LMNB1: variants seen among roughly 807,000 people sequenced by gnomAD.
LMNB1 encodes lamin B1, also known as lamin-B1.
Under a neutral mutation model 67.1 loss-of-function variants are expected in LMNB1, and 23 were observed. The ratio of observed to expected loss-of-function variants is 0.34; its 90% confidence interval spans 0.25 to 0.49. The LOEUF (loss-of-function observed/expected upper bound fraction) is 0.49, where lower values mean the gene tolerates loss of function less well. Ranked by LOEUF, LMNB1 falls within the 20% of genes least tolerant of loss-of-function variation. The probability of loss-of-function intolerance (pLI) is 0.99; values close to 1 mark genes in which losing one functional copy is unlikely to be tolerated. For synonymous variants in LMNB1, 281 were observed against 282.9 expected, an observed-to-expected ratio of 0.99 and a Z score of 0.07; for missense variants, 634 against 746.5, an observed-to-expected ratio of 0.85 and a Z score of 1.76.
At chr5:126,808,796 C>G (rs1008913911) in intron 3 of LMNB1, among the ~76,000 whole-genome samples, 2 of 152,124 alleles carry the variant, frequency 1.3e-5, no homozygotes, top group African/African-American at 2.4e-5. Context: ...AAGGAAAATA[C>G]ATGCGCTAAT....
At chr5:126,780,302 G>A (rs1040280121) in intron 1 of LMNB1, among the ~76,000 whole-genome samples, 1 of 152,204 alleles carries the variant, frequency 6.6e-6, no homozygotes, top group Non-Finnish European at 1.5e-5. Context: ...GTTGCTGAGA[G>A]TGTAGTGGGG....
intron 1 of LMNB1, among the ~76,000 whole-genome samples, chr5:126,780,979 G>A (rs1294391344): frequency 6.6e-6 from 1 of 151,846 alleles, no homozygotes; most frequent in Non-Finnish European, 1.5e-5. Flanking sequence ...GCTGTGTACT[G>A]ATGTCCTGTA....
intron 1 of LMNB1, among the ~76,000 whole-genome samples, chr5:126,801,820 G>T (rs1015032458): frequency 2.0e-5 from 3 of 152,198 alleles, no homozygotes; most frequent in Admixed American, 6.5e-5. Context: ...ACCACATTAT[G>T]ACCTGAGCTT....
chr5:126,823,749 A>G (rs2941673), intron 8 of LMNB1, among the ~76,000 whole-genome samples: 42,979 of 152,158 alleles, frequency 0.28, 6,447 homozygotes, highest in South Asian at 0.38. Flanking sequence ...TTCAGAGAGC[A>G]TGATGCCACT....
At chr5:126,810,451 A>G in intron 4 of LMNB1, 101 bp downstream of exon 4, 1 of 937,894 alleles carries the variant, frequency 1.1e-6, no homozygotes, top group Non-Finnish European at 1.5e-6. Context: ...AGTTTTTAAA[A>G]ATGATTCCCC....
At chr5:126,835,656 T>C (rs1221557431) in intron 10 of LMNB1, among the ~76,000 whole-genome samples, 1 of 152,258 alleles carries the variant, frequency 6.6e-6, no homozygotes, top group African/African-American at 2.4e-5. Flanking sequence ...CCCAGTAAAA[T>C]GAGAAATTCT....
At chr5:126,818,894 A>G in intron 5 of LMNB1, 28 bp from the exon 6 acceptor site, 1 of 1,514,544 alleles carries the variant, frequency 6.6e-7, no homozygotes, top group Non-Finnish European at 9.2e-7. Context: ...TGTTCCTAGA[A>G]AGTAAATATG....
chr5:126,792,568 T>C (rs1045593037), intron 1 of LMNB1, among the ~76,000 whole-genome samples: 2 of 83,414 alleles, frequency 2.4e-5, no homozygotes, highest in Admixed American at 2.3e-4. Flanking sequence ...GCACTAGGGA[T>C]TTTTTTTTTT....
intron 1 of LMNB1, among the ~76,000 whole-genome samples, chr5:126,795,949 T>TGAGACG (rs1751079671): frequency 6.9e-6 from 1 of 145,206 alleles, no homozygotes; most frequent in Non-Finnish European, 1.5e-5. Context: ...TTTTTTTTTT[T>TGAGACG]GAGACGGAGT....
chr5:126,836,961 T>A lies in LMNB1; in HGVS notation c.*697T>A. ...GCATTCGTTGTGTTTTTTAAGATAG[T>A]GTAACTTGCTTAAATTTCTTATGTG... is the stretch of plus-strand genomic sequence containing the variant. On this transcript the variant is annotated 3_prime_UTR_variant, in exon 11 of 11. Transcript: ENST00000261366. The A allele has an allele frequency of 2.5e-6, 1 of 398,350 alleles. No individual in the cohort carries two copies. Among genetic ancestry groups the A allele is most frequent in the Non-Finnish European group, 4.4e-6 (1 of 225,940 alleles). The allele number at this position is 398,350 out of a possible 1,614,324, so 24.7% of individuals were successfully genotyped here.
intron 1 of LMNB1, among the ~76,000 whole-genome samples, chr5:126,781,688 G>A (rs914266919): frequency 2.6e-5 from 4 of 152,060 alleles, no homozygotes; most frequent in South Asian, 2.1e-4. Flanking sequence ...CACCCACCTC[G>A]GCCTCCCAAG....
chr5:126,790,036 T>G (rs899647976), intron 1 of LMNB1, among the ~76,000 whole-genome samples: 6 of 151,898 alleles, frequency 4.0e-5, no homozygotes, highest in Admixed American at 2.0e-4. Flanking sequence ...ACTCCCGACC[T>G]CAGATGATCC....
chr5:126,827,153 C>G (rs777386674), intron 9 of LMNB1, among the ~76,000 whole-genome samples: 2 of 152,136 alleles, frequency 1.3e-5, no homozygotes, highest in Non-Finnish European at 2.9e-5. Flanking sequence ...GGCTGGCAAA[C>G]CTGGTAGGGA....
intron 1 of LMNB1, among the ~76,000 whole-genome samples, chr5:126,800,032 C>G (rs1017392831): frequency 6.6e-6 from 1 of 152,150 alleles, no homozygotes; most frequent in African/African-American, 2.4e-5. Flanking sequence ...CCTGGGTCCT[C>G]TGTAACAGAG....
At chr5:126,809,676 T>C (rs990559701) in intron 3 of LMNB1, among the ~76,000 whole-genome samples, 2 of 150,090 alleles carry the variant, frequency 1.3e-5, no homozygotes, top group African/African-American at 4.9e-5. Flanking sequence ...GACAGAGTGA[T>C]ACTCTATCTC....
intron 1 of LMNB1, among the ~76,000 whole-genome samples, chr5:126,789,595 T>C (rs1750900002): frequency 6.6e-6 from 1 of 152,190 alleles, no homozygotes; most frequent in Admixed American, 6.6e-5. Flanking sequence ...ACTTGTTTAC[T>C]CCTCTTTAGC....
chr5:126,802,651 G>C (rs1212260103), intron 1 of LMNB1, among the ~76,000 whole-genome samples: 1 of 151,474 alleles, frequency 6.6e-6, no homozygotes, highest in Non-Finnish European at 1.5e-5. Context: ...ATTTTGGCCA[G>C]GCTTGCCTCA....
At chr5:126,795,932 G>GTTTTTTTTTT (rs1561739969) in intron 1 of LMNB1, among the ~76,000 whole-genome samples, 2 of 41,872 alleles carry the variant, frequency 4.8e-5, no homozygotes. Flanking sequence ...GGCCCAGGAT[G>GTTTTTTTTTT]CTTTTTTTTT....
intron 1 of LMNB1, among the ~76,000 whole-genome samples, chr5:126,793,492 C>G (rs965951630): frequency 2.0e-5 from 3 of 152,128 alleles, no homozygotes; most frequent in Non-Finnish European, 4.4e-5. Flanking sequence ...TTATTGGCAC[C>G]GGAAACTATC....
Sources: gnomAD v4.1 joint callset for allele counts (sites outside exome capture counted in the v4.1 genomes callset) on GRCh38, gnomAD v4.1.1 for gene constraint, MANE v1.5 for transcripts, NCBI Gene and HGNC (gene_info 2026-07-23, HGNC 2026-07-21) for gene names.